CRLS1: variants seen among roughly 807,000 people sequenced by gnomAD.
CRLS1 encodes cardiolipin synthase 1, also known as cardiolipin synthase (CMP-forming).
In CRLS1, 24 loss-of-function variants were observed where a neutral mutation model predicts 37.0. The observed-to-expected ratio is 0.65, with a 90% CI of 0.47 to 0.91. The LOEUF is 0.91. Ranked by LOEUF, CRLS1 falls within the 40% of genes least tolerant of loss-of-function variation. The pLI is 0.00. For synonymous variants in CRLS1, 135 were observed against 159.7 expected, an observed-to-expected ratio of 0.85 and a Z score of 1.17; for missense variants, 373 against 395.8, an observed-to-expected ratio of 0.94 and a Z score of 0.49.
At chr20:6,031,438 A>ATGTC in intron 4 of CRLS1, 68 bp downstream of exon 4, 2 of 1,222,064 alleles carry the variant, frequency 1.6e-6, no homozygotes, top group Non-Finnish European at 2.3e-6. Context: ...AAAAAGACAT[A>ATGTC]TTTTTGCGTC....
intron 1 of CRLS1, among the ~76,000 whole-genome samples, chr20:6,008,321 T>G (rs375941812): frequency 1.2e-4 from 19 of 152,302 alleles, no homozygotes; most frequent in African/African-American, 4.6e-4. Flanking sequence ...AAAAAAAATC[T>G]AGGCTTCAGG....
intron 3 of CRLS1, among the ~76,000 whole-genome samples, chr20:6,030,604 G>A (rs1025867026): frequency 2.7e-5 from 4 of 149,656 alleles, no homozygotes; most frequent in African/African-American, 1.0e-4. Context: ...TGTGCTCCCA[G>A]CTACTTGGGA....
chr20:6,006,191 T>A lies in CRLS1; in HGVS notation c.-56T>A, dbSNP rs2090050808. 2.9e-6 allele frequency: 3 copies of A among 1,044,740 alleles called. No individual in the cohort carries two copies. The highest frequency in any genetic ancestry group is 2.4e-6 in the Non-Finnish European group (2 of 822,708). 64.7% of individuals were successfully genotyped at this position (1,044,740 alleles called of 1,614,324 possible). On this transcript the variant is annotated 5_prime_UTR_variant, in exon 1 of 7. Transcript: ENST00000378863. ...TCTCCATGGAGAAGCGGCTCGCCAG[T>A]GTCCCAGGCTGCTGAGCTCTCGCCG...
At chr20:6,009,396 A>G (rs2090102608) in intron 1 of CRLS1, among the ~76,000 whole-genome samples, 1 of 151,832 alleles carries the variant, frequency 6.6e-6, no homozygotes, top group Non-Finnish European at 1.5e-5. Context: ...TCGGTACATG[A>G]TACATCTTCA....
intron 3 of CRLS1, chr20:6,023,456 T>G (rs1979430183): frequency 6.6e-6 from 1 of 152,148 alleles, no homozygotes; most frequent in Non-Finnish European, 1.5e-5. Context: ...CTGTTTTACT[T>G]TGGCCCATCT....
At chr20:6,022,603 G>T (rs560215763) in intron 3 of CRLS1, among the ~76,000 whole-genome samples, 1 of 151,948 alleles carries the variant, frequency 6.6e-6, no homozygotes, top group Non-Finnish European at 1.5e-5. Flanking sequence ...CTTCCAAAGC[G>T]CTCTGATTAC....
intron 3 of CRLS1, among the ~76,000 whole-genome samples, chr20:6,027,144 C>A (rs936617499): frequency 2.0e-5 from 3 of 148,024 alleles, no homozygotes; most frequent in Non-Finnish European, 4.4e-5. Context: ...TGTGCAATGG[C>A]GCTATCTCGG....
At chr20:6,008,965 G>C (rs972997105) in intron 1 of CRLS1, among the ~76,000 whole-genome samples, 1 of 152,210 alleles carries the variant, frequency 6.6e-6, no homozygotes, top group African/African-American at 2.4e-5. Context: ...TTACAATGAA[G>C]TTATATATTA....
chr20:6,030,673 C>A (rs527560200), intron 3 of CRLS1, among the ~76,000 whole-genome samples: 1 of 151,808 alleles, frequency 6.6e-6, no homozygotes, highest in African/African-American at 2.4e-5. Flanking sequence ...GAGCCGATAC[C>A]GTGCCACTGC....
At chr20:6,034,231 A>G (rs903200953) in intron 5 of CRLS1, among the ~76,000 whole-genome samples, 1 of 152,142 alleles carries the variant, frequency 6.6e-6, no homozygotes, top group Admixed American at 6.5e-5. Context: ...AGTTGTCATT[A>G]CTCTTGCTCT....
intron 3 of CRLS1, among the ~76,000 whole-genome samples, chr20:6,023,974 A>G (rs1223385744): frequency 6.7e-6 from 1 of 150,042 alleles, no homozygotes; most frequent in Admixed American, 6.6e-5. Flanking sequence ...TTTTCCTGAG[A>G]CAGGGTCTTG....
chr20:6,021,033 T>G (rs140769940), intron 3 of CRLS1, among the ~76,000 whole-genome samples: 1 of 151,732 alleles, frequency 6.6e-6, no homozygotes, highest in East Asian at 1.9e-4. Flanking sequence ...TTCTCCAGTA[T>G]TTGTCTCTGT....
Position 6,006,388 on chromosome 20 carries a change from C to G in CRLS1, c.142C>G (p.Arg48Gly), listed in dbSNP as rs747321013. 2.1e-6 allele frequency: 3 copies of G among 1,407,368 alleles called. No homozygotes were observed. The highest frequency in any genetic ancestry group is 2.8e-6 in the Non-Finnish European group (3 of 1,078,994). The allele number at this position is 1,407,368 out of a possible 1,614,324, so 87.2% of individuals were successfully genotyped here. The change falls in exon 1 of 7, where the codon CGC (arginine) becomes GGC (glycine). Residue 48 changes from arginine (R) to glycine (G), a missense_variant. Transcript: ENST00000378863. The stretch of plus-strand genomic sequence containing the variant: ...CTGCTGCTTGGGCTGCCTGGCCGAA[C>G]GCTGGAGGCTGCGTCCGGCCGCTCT... ...VPCCLGCLAE[R>G]WRLRPAALGL...
At chr20:6,027,863 G>A (rs73603051) in intron 3 of CRLS1, among the ~76,000 whole-genome samples, 16,574 of 152,210 alleles carry the variant, frequency 0.11, 1,033 homozygotes, top group Middle Eastern at 0.22. Flanking sequence ...CGCTTGGGGC[G>A]GGGATCTAAC....
At chr20:6,010,085 T>G (rs1482583040) in intron 2 of CRLS1, among the ~76,000 whole-genome samples, 173 bp downstream of exon 2, 1 of 152,046 alleles carries the variant, frequency 6.6e-6, no homozygotes, top group Admixed American at 6.6e-5. Flanking sequence ...GGATTTTTTT[T>G]TTTTTTTTTC....
intron 6 of CRLS1, 57 bp from the exon 7 acceptor site, chr20:6,037,017 G>A (rs947054965): frequency 3.6e-5 from 43 of 1,201,958 alleles, no homozygotes; most frequent in African/African-American, 7.5e-5. Flanking sequence ...TATGATTCCC[G>A]TTGCTACTAT....
chr20:6,028,765 C>T (rs147860240), intron 3 of CRLS1: 1 of 152,320 alleles, frequency 6.6e-6, no homozygotes, highest in East Asian at 1.9e-4. Context: ...TACTTACAGA[C>T]ACTGGAAATA....
rs774859049 is a variant in CRLS1, at chr20:6,010,077, A to AT, written c.444+182dup. On this transcript the variant is annotated intron_variant, in intron 2 of 6. Transcript: ENST00000378863. ...ACTTTGTCTTTAGCATCTATATGGG[A>AT]TTTTTTTTTTTTTTTTTCATATGAT... 0.44 allele frequency among the ~76,000 whole-genome samples: 35,716 copies of AT among 81,408 alleles called. 5,258 individuals carry two copies. The highest frequency in any genetic ancestry group is 0.59 in the East Asian group (1,858 of 3,146). The allele number at this position is 81,408 out of a possible 152,430, so 53.4% of individuals were successfully genotyped here. A position where few individuals can be genotyped will look rare whatever the true frequency, so the allele number is the denominator to read the frequency against.
chr20:6,015,684 A>G, intron 3 of CRLS1, 194 bp downstream of exon 3: 1 of 543,548 alleles, frequency 1.8e-6, no homozygotes, highest in Non-Finnish European at 3.3e-6. Context: ...TCCTTGTTTT[A>G]CTAGTAAAAT....
Sources: allele counts gnomAD v4.1 joint callset (sites outside exome capture counted in the v4.1 genomes callset), GRCh38; gene constraint gnomAD v4.1.1; transcripts MANE v1.5; gene names NCBI Gene and HGNC (gene_info 2026-07-23, HGNC 2026-07-21).